Variants in DIS3L observed in about 807,000 individuals in gnomAD.
The protein encoded by DIS3L is DIS3 like exosome 3'-5' exoribonuclease, also known as DIS3-like exonuclease 1.
A neutral mutation model predicts 120.3 loss-of-function variants in DIS3L; 100 were observed. That is an observed-to-expected ratio of 0.83 (90% confidence interval 0.71 to 0.98). The LOEUF (loss-of-function observed/expected upper bound fraction) is 0.98, where lower values mean the gene tolerates loss of function less well. Among genes scored for constraint, DIS3L ranks in the 50% least tolerant of loss-of-function variants. The pLI is 0.00. For missense variants in DIS3L, 1,196 were observed against 1,314.2 expected (o/e 0.91, Z 1.39); for synonymous variants, 426 against 470.6 (o/e 0.91, Z 1.23).
At chr15:66,314,863 C>T in intron 6 of DIS3L, 173 bp from the exon 7 acceptor site, 1 of 601,926 alleles carries the variant, frequency 1.7e-6, no homozygotes. Context: ...GACATGGTGC[C>T]AGCAATTCTT....
chr15:66,317,040 A>G (rs970085084), intron 7 of DIS3L, among the ~76,000 whole-genome samples: 9 of 152,108 alleles, frequency 5.9e-5, no homozygotes, highest in Non-Finnish European at 1.2e-4. Flanking sequence ...AGCTTTCCCC[A>G]AATATCCTCA....
chr15:66,315,095 G>C lies in DIS3L; in HGVS notation c.874G>C (p.Asp292His). Residue 292 changes from aspartate (D) to histidine (H), a missense_variant, in exon 7 of 17, where the codon GAT becomes CAT. By Grantham distance (81) the Asp-to-His change is moderately conservative. Transcript: ENST00000319212. ...MKARNRSIHG[D>H]VVVVELLPKN... ...GGCTCGAAACCGCTCAATTCATGGAGATGTGGTAGTTGTGGAGCTGCTTCC... is the reference window on the plus strand; with the variant it reads ...GGCTCGAAACCGCTCAATTCATGGACATGTGGTAGTTGTGGAGCTGCTTCC... 6.2e-7 allele frequency: 1 copy of C among 1,614,092 alleles called. No homozygotes were observed. The highest frequency in any genetic ancestry group is 1.6e-4 in the Middle Eastern group (1 of 6,062).
intron 4 of DIS3L, among the ~76,000 whole-genome samples, chr15:66,309,094 A>AAAATATATATATATATAT: frequency 6.5e-5 from 1 of 15,320 alleles, no homozygotes; most frequent in Non-Finnish European, 1.2e-4. Context: ...AAAAAAAAAA[A>AAAATATATATATATATAT]ATATATATAT....
Position 66,308,945 on chromosome 15 carries a change from G to C in DIS3L, c.558+101G>C, listed in dbSNP as rs997032181. 2.9e-6 allele frequency: 4 copies of C among 1,395,156 alleles called. No homozygotes were observed. The African/African-American group carries it at 5.7e-5, about 20-fold the overall frequency. 86.4% of individuals were successfully genotyped at this position (1,395,156 alleles called of 1,614,324 possible). A position where few individuals can be genotyped will look rare whatever the true frequency, so the allele number is the denominator to read the frequency against. ...ACACAGAAAAGAGAAAAGAGGAATA[G>C]ACATTAAGTTCCATTTTGGCCAGGC... On this transcript the variant is annotated intron_variant, in intron 4 of 16. Coordinates refer to ENST00000319212, the MANE Select transcript of DIS3L (RefSeq NM_001143688.3).
chr15:66,326,194 C>T lies in DIS3L; in HGVS notation c.2031C>T (p.Val677=), dbSNP rs746616154. The change falls in exon 12 of 17, where the codon GTC becomes GTT. Residue 677 remains valine, a synonymous_variant. Transcript: ENST00000319212. ...HDLIPKQPLE[V]HETVAECMIL... is the part of the protein sequence containing the mutation. The stretch of plus-strand genomic sequence containing the variant: ...TCATCCCCAAGCAGCCCCTGGAAGT[C>T]CACGAGACAGTGGCTGAATGCATGA... The T allele has an allele frequency of 6.2e-7, 1 of 1,614,192 alleles. No homozygotes were observed. The highest frequency in any genetic ancestry group is 1.1e-5 in the South Asian group (1 of 91,090).
Position 66,318,482 on chromosome 15 carries a change from G to A in DIS3L, c.1028G>A (p.Arg343Gln), listed in dbSNP as rs145041282. 22 of 1,613,750 alleles carry A rather than the reference G, an allele frequency of 1.4e-5. No homozygotes were observed. Among genetic ancestry groups the A allele is most frequent in the African/African-American group, 9.4e-5 (7 of 74,852 alleles). Residue 343 changes from arginine to glutamine, a missense_variant, in exon 8 of 17, where the codon CGG becomes CAG. Physicochemically the swap from Arg to Gln is conservative, Grantham distance 43. Coordinates refer to ENST00000319212, the MANE Select transcript of DIS3L (RefSeq NM_001143688.3). ...GTGGGCATACTTCAGAAGAACTGGCGGGATTATGTGGTGACATTTCCGTCC... is the reference window on the plus strand; with the variant it reads ...GTGGGCATACTTCAGAAGAACTGGCAGGATTATGTGGTGACATTTCCGTCC... Reference protein sequence around the residue: ...RVVGILQKNWRDYVVTFPSKE... With the variant: ...RVVGILQKNWQDYVVTFPSKE...
intron 12 of DIS3L, among the ~76,000 whole-genome samples, chr15:66,327,785 G>C (rs2092954347): frequency 6.6e-6 from 1 of 151,956 alleles, no homozygotes; most frequent in Admixed American, 6.6e-5. Context: ...GTATAGGCTG[G>C]GTACAGTGGC....
chr15:66,306,753 G>C lies in DIS3L; in HGVS notation c.294-71G>C. 8.8e-6 allele frequency: 14 copies of C among 1,584,364 alleles called. No individual in the cohort carries two copies. The South Asian group carries it at 1.6e-4, about 18-fold the overall frequency. ...GCTCTAAAATACCCCATCCTTTTTT[G>C]ATCCTTAGCAAGAGATAGCAGTGGA... is the stretch of plus-strand genomic sequence containing the variant. On this transcript the variant is annotated intron_variant, in intron 2 of 16. Transcript: ENST00000319212.
rs185501422 is a variant in DIS3L at position 66,317,070 on chromosome 15, C to A, written c.995-1379C>A. 6.0e-4 allele frequency among the ~76,000 whole-genome samples: 92 copies of A among 152,258 alleles called. 1 individual carries two copies. The East Asian group carries it at 9.5e-3, about 16-fold the overall frequency. ...TCCTCACATCTGTTTTCCTCACTTCCCTCAAGTCACTGTTCAAATGTCACT... is the reference window on the plus strand; with the variant it reads ...TCCTCACATCTGTTTTCCTCACTTCACTCAAGTCACTGTTCAAATGTCACT... On this transcript the variant is annotated intron_variant, in intron 7 of 16. Transcript: ENST00000319212.
chr15:66,306,704 C>A, intron 2 of DIS3L, 120 bp from the exon 3 acceptor site: 1 of 1,367,760 alleles, frequency 7.3e-7, no homozygotes, highest in Non-Finnish European at 1.0e-6. Context: ...ACATGTTCTT[C>A]AGGTTTAAAG....
At chr15:66,307,066 G>A in intron 3 of DIS3L, 114 bp downstream of exon 3, 1 of 1,362,286 alleles carries the variant, frequency 7.3e-7, no homozygotes, top group Non-Finnish European at 1.0e-6. Context: ...CAATTATTCT[G>A]GAACCATGAT....
intron 6 of DIS3L, among the ~76,000 whole-genome samples, chr15:66,314,450 C>G (rs2092796912): frequency 6.6e-6 from 1 of 151,984 alleles, no homozygotes; most frequent in Non-Finnish European, 1.5e-5. Context: ...TGCTATATTG[C>G]TTTATTGGAG....
intron 2 of DIS3L, among the ~76,000 whole-genome samples, chr15:66,301,209 G>T (rs2092644178): frequency 6.6e-6 from 1 of 152,100 alleles, no homozygotes. Flanking sequence ...TAAGATGATG[G>T]AGTTTTAGAA....
chr15:66,321,424 C>T (rs1177265297), intron 9 of DIS3L, among the ~76,000 whole-genome samples: 6 of 152,084 alleles, frequency 3.9e-5, no homozygotes, highest in Admixed American at 3.9e-4. Flanking sequence ...TTTGCTTAAG[C>T]ATTTCTTGAT....
At chr15:66,306,493 T>G (rs1238372332) in intron 2 of DIS3L, among the ~76,000 whole-genome samples, 3 of 152,186 alleles carry the variant, frequency 2.0e-5, no homozygotes, top group African/African-American at 7.2e-5. Context: ...GCACTCAGGC[T>G]TTGAAGAAGG....
chr15:66,324,820 C>G (rs1021125109), intron 11 of DIS3L, among the ~76,000 whole-genome samples: 3 of 152,086 alleles, frequency 2.0e-5, no homozygotes, highest in Admixed American at 6.6e-5. Context: ...GCCCATTTTT[C>G]TTTTGGATTC....
In DIS3L at chr15:66,329,260, TAAG is replaced by T. The variant is rs760415066; in HGVS notation, c.2401_2403del (p.Arg801del). ...AAATATACCCACTTTACTTCTCCAA[TAAG>T]AAGATATTCAGATATTGTAGTACAC... On this transcript the variant is annotated inframe_deletion, in exon 14 of 17. Transcript: ENST00000319212. 8 of 1,610,614 alleles carry T rather than the reference TAAG, an allele frequency of 5.0e-6. No individual in the cohort carries two copies. The highest frequency in any genetic ancestry group is 1.7e-5 in the Admixed American group (1 of 59,382).
chr15:66,311,615 C>T, intron 4 of DIS3L, 109 bp from the exon 5 acceptor site: 1 of 1,282,566 alleles, frequency 7.8e-7, no homozygotes. Context: ...ACTGAGCACC[C>T]CCTCAAGATG....
Position 66,306,849 on chromosome 15 carries a change from C to T in DIS3L, c.319C>T (p.Leu107=), listed in dbSNP as rs760204703. The change falls in exon 3 of 17, where the codon CTG becomes TTG. Residue 107 remains leucine, a synonymous_variant. Transcript: ENST00000319212. ...ACAGTATAACAAACTGCGAAACCTG[C>T]TGAAGGATGCGCGTCATGATTGCAT... ...RRQYNKLRNL[L]KDARHDCILF... 8.7e-6 allele frequency: 14 copies of T among 1,614,026 alleles called. No homozygotes were observed. The highest frequency in any genetic ancestry group is 6.7e-5 in the Admixed American group (4 of 59,998).
Sources: allele counts gnomAD v4.1 joint callset (sites outside exome capture counted in the v4.1 genomes callset), GRCh38; gene constraint gnomAD v4.1.1; transcripts MANE v1.5; gene names NCBI Gene and HGNC (gene_info 2026-07-23, HGNC 2026-07-21).